The following SPP2 variants were observed in gnomAD, a reference collection of about 807,000 sequenced individuals.
SPP2 encodes secreted phosphoprotein 24.
SPP2 carries 34 observed loss-of-function variants against 28.8 expected under a neutral mutation model. That is an observed-to-expected ratio of 1.18 (90% CI 0.90 to 1.57). SPP2 has a LOEUF of 1.57. SPP2 is among the 40% of genes most tolerant of loss of function. SPP2 has a pLI of 0.00. For missense variants in SPP2, 269 were observed against 263.9 expected (o/e 1.02, Z -0.13); for synonymous variants, 96 against 89.4 (o/e 1.07, Z -0.42).
Position 234,050,876 on chromosome 2 carries a change from G to A in SPP2, c.85+5G>A, listed in dbSNP as rs759198945. The A allele has an allele frequency of 6.2e-7, 1 of 1,614,070 alleles. No homozygotes were observed. The highest frequency in any genetic ancestry group is 1.1e-5 in the South Asian group (1 of 91,066). ...TGAACTACTGGTCTTGCTCAGGTAA[G>A]GTATTCACCAACCTGGCCACCTGCT... is the stretch of plus-strand genomic sequence containing the variant. On this transcript the variant is annotated splice_donor_5th_base_variant and intron_variant, in intron 1 of 7. Coordinates refer to ENST00000168148, the MANE Select transcript of SPP2 (RefSeq NM_006944.3).
chr2:234,055,952 A>T (rs1693598247), intron 2 of SPP2: 1 of 152,088 alleles, frequency 6.6e-6, no homozygotes, highest in Admixed American at 6.6e-5. Context: ...CACAACGTGC[A>T]GGTTTGTTAC....
rs555245217 is a variant in SPP2, at chr2:234,060,784, C to T, written c.444+305C>T. On this transcript the variant is annotated intron_variant, in intron 4 of 7. Coordinates refer to ENST00000168148, the MANE Select transcript of SPP2 (RefSeq NM_006944.3). ...ACATGCACACACGCACACATACACA[C>T]GCACACACACTTGATTTCCCTGGGA... Among the ~76,000 whole-genome samples, 371 of 152,056 alleles carry T rather than the reference C, an allele frequency of 2.4e-3. 4 individuals carry two copies. Among genetic ancestry groups the T allele is most frequent in the African/African-American group, 8.5e-3 (354 of 41,504 alleles).
At position 234,066,562 on chromosome 2, in the gene SPP2, T is replaced by C. The variant is rs1693826013; in HGVS notation, c.474T>C (p.His158=). 1 of 1,612,368 alleles carries C rather than the reference T, an allele frequency of 6.2e-7. No individual in the cohort carries two copies. The highest frequency in any genetic ancestry group is 1.3e-5 in the African/African-American group (1 of 74,912). The change falls in exon 5 of 8, where the codon CAT becomes CAC. Residue 158 remains histidine (H), a synonymous_variant. Transcript: ENST00000168148. ...EMIFGDMLGS[H]KWRNNYLFGL... ...TTTTTGGGGACATGTTGGGATCTCATAAATGGAGAAACAATTATCTATTTG... is the reference window on the plus strand; with the variant it reads ...TTTTTGGGGACATGTTGGGATCTCACAAATGGAGAAACAATTATCTATTTG...
intron 6 of SPP2, among the ~76,000 whole-genome samples, chr2:234,067,694 G>C (rs1342776079): frequency 6.8e-6 from 1 of 147,450 alleles, no homozygotes; most frequent in African/African-American, 2.5e-5. Flanking sequence ...GGAGAATGGC[G>C]TGAACCCGGG....
chr2:234,061,938 G>C (rs1427020891), intron 4 of SPP2, among the ~76,000 whole-genome samples: 1 of 152,146 alleles, frequency 6.6e-6, no homozygotes, highest in East Asian at 1.9e-4. Context: ...GAGTACCATG[G>C]GCCTCCTTTC....
intron 4 of SPP2, among the ~76,000 whole-genome samples, chr2:234,061,069 A>T (rs1693711081): frequency 6.6e-6 from 1 of 152,214 alleles, no homozygotes; most frequent in African/African-American, 2.4e-5. Flanking sequence ...CAGTAAGCTG[A>T]TGGACATGAA....
chr2:234,068,968 A>G (rs947693331), intron 6 of SPP2, among the ~76,000 whole-genome samples: 6 of 152,148 alleles, frequency 3.9e-5, no homozygotes, highest in Non-Finnish European at 1.5e-5. Context: ...AGTCTATCAA[A>G]AGGTTTCAGA....
intron 7 of SPP2, among the ~76,000 whole-genome samples, chr2:234,075,283 G>T (rs1162383105): frequency 6.6e-6 from 1 of 152,188 alleles, no homozygotes; most frequent in Admixed American, 6.5e-5. Flanking sequence ...TGACTGCTGA[G>T]TGGGTTCCTG....
At chr2:234,071,802 C>T (rs1690792254) in intron 7 of SPP2, among the ~76,000 whole-genome samples, 1 of 152,222 alleles carries the variant, frequency 6.6e-6, no homozygotes. Flanking sequence ...TCTACTGGGA[C>T]CAGCCACCTG....
intron 4 of SPP2, among the ~76,000 whole-genome samples, chr2:234,061,867 G>A (rs766779392): frequency 2.0e-5 from 3 of 152,200 alleles, no homozygotes; most frequent in Non-Finnish European, 2.9e-5. Flanking sequence ...CAACCCCCAG[G>A]TGACCTCTGA....
Position 234,050,708 on chromosome 2 carries a change from T to C in SPP2, c.-79T>C. 1 of 1,238,802 alleles carries C rather than the reference T, an allele frequency of 8.1e-7. No homozygotes were observed. The highest frequency in any genetic ancestry group is 1.2e-6 in the Non-Finnish European group (1 of 849,358). The allele number at this position is 1,238,802 out of a possible 1,614,324, so 76.7% of individuals were successfully genotyped here. Reference sequence around the variant, plus strand: ...GCAGTCAAAATAAGCAGCCAGTGTTTGATAAAGACAGCTCCTCTTAGGAAG... The same window carrying C: ...GCAGTCAAAATAAGCAGCCAGTGTTCGATAAAGACAGCTCCTCTTAGGAAG... On this transcript the variant is annotated 5_prime_UTR_variant, in exon 1 of 8. Coordinates refer to ENST00000168148, the MANE Select transcript of SPP2 (RefSeq NM_006944.3).
rs1162411935 is a variant in SPP2 at position 234,066,460 on chromosome 2, T to C, written c.445-73T>C. On this transcript the variant is annotated intron_variant, in intron 4 of 7. Coordinates refer to ENST00000168148, the MANE Select transcript of SPP2 (RefSeq NM_006944.3). Reference sequence around the variant, plus strand: ...ATATATCAGAGTCTTCCAGATGACATTTACATTTTTCAGTGTCTTTCCTTT... The same window carrying C: ...ATATATCAGAGTCTTCCAGATGACACTTACATTTTTCAGTGTCTTTCCTTT... 58 of 1,241,712 alleles carry C rather than the reference T, an allele frequency of 4.7e-5. No homozygotes were observed. In the Admixed American group the frequency reaches 9.9e-4, roughly 21 times the overall value. The allele number at this position is 1,241,712 out of a possible 1,614,324, so 76.9% of individuals were successfully genotyped here.
At chr2:234,051,452 G>T (rs1194866265) in intron 2 of SPP2, among the ~76,000 whole-genome samples, 1 of 152,164 alleles carries the variant, frequency 6.6e-6, no homozygotes, top group Non-Finnish European at 1.5e-5. Context: ...CAGCAGTTCT[G>T]CTCCTAATAC....
At chr2:234,062,294 G>A (rs546999419) in intron 4 of SPP2, among the ~76,000 whole-genome samples, 26 of 152,308 alleles carry the variant, frequency 1.7e-4, no homozygotes, top group South Asian at 1.2e-3. Flanking sequence ...ACTGGAAGGC[G>A]GGTAGAAGTC....
In SPP2 at chr2:234,060,623, T is replaced by C. The variant is rs564046379; in HGVS notation, c.444+144T>C. 5 of 659,340 alleles carry C rather than the reference T, an allele frequency of 7.6e-6. No homozygotes were observed. In the East Asian group the frequency reaches 1.1e-4, roughly 15 times the overall value. The allele number at this position is 659,340 out of a possible 1,614,324, so 40.8% of individuals were successfully genotyped here. A position where few individuals can be genotyped will look rare whatever the true frequency, so the allele number is the denominator to read the frequency against. ...TCTGCTGACACAGTGGGATTCTCTCTTGGACACCTACAGCCTCATTGTCCA... is the reference window on the plus strand; with the variant it reads ...TCTGCTGACACAGTGGGATTCTCTCCTGGACACCTACAGCCTCATTGTCCA... On this transcript the variant is annotated intron_variant, in intron 4 of 7. Coordinates refer to ENST00000168148, the MANE Select transcript of SPP2 (RefSeq NM_006944.3).
intron 2 of SPP2, among the ~76,000 whole-genome samples, chr2:234,055,702 C>T (rs116243121): frequency 2.1e-3 from 322 of 152,134 alleles, no homozygotes; most frequent in Non-Finnish European, 3.6e-3. Context: ...ACTATAAACC[C>T]ATGAGAGGAT....
At position 234,052,515 on chromosome 2, in the gene SPP2, G is replaced by A. The variant is rs6731823; in HGVS notation, c.210+1420G>A. ...CCGTGGAAATCTGCCCTGTGGAGAT[G>A]AGCTATTGTGAGGCACAGCCACCAG... On this transcript the variant is annotated intron_variant, in intron 2 of 7. Transcript: ENST00000168148. Among the ~76,000 whole-genome samples the A allele has an allele frequency of 5.5e-3, 836 of 152,328 alleles. 8 individuals carry two copies. The highest frequency in any genetic ancestry group is 0.019 in the African/African-American group (771 of 41,572).
chr2:234,067,106 T>C, intron 5 of SPP2, 118 bp from the exon 6 acceptor site: 1 of 990,802 alleles, frequency 1.0e-6, no homozygotes, highest in African/African-American at 1.6e-5. Flanking sequence ...TAAAACTCAA[T>C]GGTGATCTCT....
intron 2 of SPP2, among the ~76,000 whole-genome samples, chr2:234,053,844 G>A (rs1294311508): frequency 1.3e-5 from 2 of 152,070 alleles, no homozygotes; most frequent in Non-Finnish European, 2.9e-5. Context: ...TGCTGGGGAG[G>A]GGGAAGCAAA....
Sources: allele counts gnomAD v4.1 joint callset (sites outside exome capture counted in the v4.1 genomes callset), GRCh38; gene constraint gnomAD v4.1.1; transcripts MANE v1.5; gene names NCBI Gene and HGNC (gene_info 2026-07-23, HGNC 2026-07-21).